Variants in SH3KBP1 observed in about 807,000 individuals in gnomAD.
SH3KBP1 encodes SH3 domain containing kinase binding protein 1, also known as SH3 domain-containing kinase-binding protein 1.
In SH3KBP1, 8 loss-of-function variants were observed where a neutral mutation model predicts 50.1. That is an observed-to-expected ratio of 0.16 (90% CI 0.09 to 0.29). The LOEUF is 0.29. Among genes scored for constraint, SH3KBP1 ranks in the 10% least tolerant of loss-of-function variants. The probability of loss-of-function intolerance (pLI) is 1.00; values close to 1 mark genes in which losing one functional copy is unlikely to be tolerated. For missense variants in SH3KBP1, 377 were observed against 535.2 expected, an observed-to-expected ratio of 0.70 and a Z score of 2.92; for synonymous variants, 227 against 218.6, an observed-to-expected ratio of 1.04 and a Z score of -0.34.
In SH3KBP1 at chrX:19,817,088, T is replaced by C. The variant is rs549747259; in HGVS notation, c.162+19037A>G. ...TCAAAAAGTCACTTGGGCATATTTG[T>C]GTAGGTTTATTTCTGGGTTCTCTAG... On this transcript the variant is annotated intron_variant, in intron 2 of 17. Transcript: ENST00000397821. 1.8e-4 allele frequency among the ~76,000 whole-genome samples: 20 copies of C among 111,891 alleles called. No individual in the cohort carries two copies. In the South Asian group the frequency reaches 7.1e-3, roughly 39 times the overall value.
chrX:19,706,071 A>C (rs1053848025), intron 4 of SH3KBP1, among the ~76,000 whole-genome samples: 6 of 111,762 alleles, frequency 5.4e-5, no homozygotes, highest in African/African-American at 1.6e-4. Flanking sequence ...TTCCACTCAC[A>C]TGACAGCTCC....
chrX:19,579,233 A>C (rs1319660858), intron 12 of SH3KBP1, among the ~76,000 whole-genome samples: 1 of 112,140 alleles, frequency 8.9e-6, no homozygotes, highest in African/African-American at 3.2e-5. Context: ...AGACTCTGCA[A>C]ATATATCTGG....
intron 1 of SH3KBP1, among the ~76,000 whole-genome samples, chrX:19,848,026 T>C (rs568470134): frequency 1.8e-5 from 2 of 111,817 alleles, no homozygotes; most frequent in Admixed American, 1.9e-4. Context: ...TTTCCCAAAA[T>C]TGAAATATGA....
At chrX:19,781,309 T>C (rs1310531197) in intron 2 of SH3KBP1, among the ~76,000 whole-genome samples, 1 of 111,138 alleles carries the variant, frequency 9.0e-6, no homozygotes, top group Non-Finnish European at 1.9e-5. Flanking sequence ...ATCAGAAATG[T>C]TTTCTTAAGT....
chrX:19,869,645 A>G (rs2068987717), intron 1 of SH3KBP1, among the ~76,000 whole-genome samples: 1 of 112,656 alleles, frequency 8.9e-6, no homozygotes, highest in Admixed American at 9.4e-5. Context: ...TTTAGCCTAT[A>G]TCCCAATATA....
intron 13 of SH3KBP1, among the ~76,000 whole-genome samples, chrX:19,561,072 T>TC (rs1290285582): frequency 0.011 from 509 of 48,105 alleles, 13 homozygotes; most frequent in African/African-American, 0.026. Flanking sequence ...AGACCCTGTC[T>TC]AAAAAAAAAA....
chrX:19,835,575 C>T (rs1250046765), intron 2 of SH3KBP1, among the ~76,000 whole-genome samples: 1 of 101,607 alleles, frequency 9.8e-6, no homozygotes, highest in Non-Finnish European at 1.9e-5. Context: ...ATTTAACAGC[C>T]TTTACTATTT....
intron 6 of SH3KBP1, among the ~76,000 whole-genome samples, chrX:19,651,694 T>C (rs778136321): frequency 8.9e-6 from 1 of 111,994 alleles, no homozygotes; most frequent in South Asian, 3.7e-4. Context: ...GTAGAAGCAG[T>C]TGTCAAGTAT....
In SH3KBP1 at chrX:19,857,595, G is replaced by A. The variant is rs1333252057; in HGVS notation, c.5-21313C>T. 2.7e-5 allele frequency among the ~76,000 whole-genome samples: 3 copies of A among 110,508 alleles called. No individual in the cohort carries two copies. The East Asian group carries it at 8.6e-4, about 32-fold the overall frequency. ...AAATTAGCCAGGTATGGTGGCATGC[G>A]CCTATAATCCCAGATACTCGGGAGG... On this transcript the variant is annotated intron_variant, in intron 1 of 17. Coordinates refer to ENST00000397821, the MANE Select transcript of SH3KBP1 (RefSeq NM_031892.3).
intron 4 of SH3KBP1, among the ~76,000 whole-genome samples, chrX:19,700,466 A>C (rs1296654534): frequency 8.9e-6 from 1 of 112,157 alleles, no homozygotes; most frequent in East Asian, 2.8e-4. Context: ...AAGCATTTCC[A>C]TCACTCCAGA....
At chrX:19,559,731 A>AT (rs2065614021) in intron 13 of SH3KBP1, among the ~76,000 whole-genome samples, 1 of 111,351 alleles carries the variant, frequency 9.0e-6, no homozygotes, top group South Asian at 3.8e-4. Flanking sequence ...AGGAATTATT[A>AT]TTTTTAATGG....
At chrX:19,837,041 T>C (rs1458478648) in intron 1 of SH3KBP1, among the ~76,000 whole-genome samples, 2 of 112,233 alleles carry the variant, frequency 1.8e-5, no homozygotes, top group African/African-American at 6.5e-5. Flanking sequence ...ATTAAACCTC[T>C]TTCCTTTATA....
chrX:19,610,151 GAACAA>G (rs759943296), intron 8 of SH3KBP1, among the ~76,000 whole-genome samples: 27 of 111,818 alleles, frequency 2.4e-4, no homozygotes, highest in Non-Finnish European at 3.9e-4. Context: ...GATTTACCCA[GAACAA>G]AACAAGGGTC....
At chrX:19,652,410 T>G (rs2062150884) in intron 6 of SH3KBP1, among the ~76,000 whole-genome samples, 1 of 111,374 alleles carries the variant, frequency 9.0e-6, no homozygotes, top group South Asian at 3.8e-4. Context: ...TCACATTCTC[T>G]CAAGTTCCAT....
chrX:19,810,026 A>C (rs1394335873), intron 2 of SH3KBP1, among the ~76,000 whole-genome samples: 1 of 112,546 alleles, frequency 8.9e-6, no homozygotes, highest in East Asian at 2.8e-4. Flanking sequence ...CCAGAAGTGC[A>C]GATTAATCTT....
chrX:19,664,450 C>G (rs747099425), intron 6 of SH3KBP1, among the ~76,000 whole-genome samples: 2 of 111,218 alleles, frequency 1.8e-5, no homozygotes, highest in East Asian at 5.7e-4. Context: ...AGTGATCACT[C>G]CCTGACCCAG....
intron 1 of SH3KBP1, among the ~76,000 whole-genome samples, chrX:19,861,610 T>C (rs752682067): frequency 9.0e-6 from 1 of 111,590 alleles, no homozygotes; most frequent in East Asian, 2.8e-4. Flanking sequence ...CTTGGGAATT[T>C]AACCATGTCA....
chrX:19,730,293 T>C (rs1175939978), intron 3 of SH3KBP1, among the ~76,000 whole-genome samples: 2 of 111,858 alleles, frequency 1.8e-5, no homozygotes, highest in East Asian at 2.8e-4. Context: ...CTGGGCAACA[T>C]AGCAGAACTC....
intron 1 of SH3KBP1, among the ~76,000 whole-genome samples, chrX:19,875,040 G>A (rs1416016059): frequency 9.0e-6 from 1 of 110,953 alleles, no homozygotes; most frequent in Non-Finnish European, 1.9e-5. Context: ...CCCGCTTTCT[G>A]GAGCGCATCT....
Sources: gnomAD v4.1 joint callset for allele counts (sites outside exome capture counted in the v4.1 genomes callset) on GRCh38, gnomAD v4.1.1 for gene constraint, MANE v1.5 for transcripts, NCBI Gene and HGNC (gene_info 2026-07-23, HGNC 2026-07-21) for gene names.